Variants in KANK4 observed in about 807,000 individuals in gnomAD.
KANK4 encodes the protein KN motif and ankyrin repeat domains 4.
Under a neutral mutation model 80.8 loss-of-function variants are expected in KANK4, and 50 were observed. That is an observed-to-expected ratio of 0.62 (90% confidence interval 0.49 to 0.78). The LOEUF is 0.78. Ranked by LOEUF, KANK4 falls within the 30% of genes least tolerant of loss-of-function variation. KANK4 has a pLI of 0.00. For synonymous variants in KANK4, 465 were observed against 506.9 expected, an observed-to-expected ratio of 0.92 and a Z score of 1.11; for missense variants, 1,196 against 1,240.1, an observed-to-expected ratio of 0.96 and a Z score of 0.53.
intron 1 of KANK4, among the ~76,000 whole-genome samples, chr1:62,308,162 G>A (rs1208496803): frequency 6.6e-6 from 1 of 152,120 alleles, no homozygotes; most frequent in African/African-American, 2.4e-5. Context: ...AGCGCCCTAG[G>A]GAAAAGTGTT....
intron 6 of KANK4, among the ~76,000 whole-genome samples, chr1:62,264,189 G>A (rs997321123): frequency 3.9e-5 from 6 of 152,290 alleles, no homozygotes; most frequent in African/African-American, 7.2e-5. Context: ...AGGCCGAGGC[G>A]GGTATATCAC....
intron 7 of KANK4, among the ~76,000 whole-genome samples, chr1:62,258,518 T>C (rs765865082): frequency 5.9e-5 from 9 of 152,202 alleles, no homozygotes; most frequent in Non-Finnish European, 1.2e-4. Context: ...ATTATGTACG[T>C]TGCCTTTCCC....
At chr1:62,256,005 CT>C (rs1184525992) in intron 7 of KANK4, among the ~76,000 whole-genome samples, 1 of 152,228 alleles carries the variant, frequency 6.6e-6, no homozygotes, top group Non-Finnish European at 1.5e-5. Context: ...CATGGGGCCA[CT>C]TATGGCCCAG....
chr1:62,318,521 C>T (rs910164970), intron 1 of KANK4, among the ~76,000 whole-genome samples: 6 of 152,244 alleles, frequency 3.9e-5, no homozygotes, highest in African/African-American at 1.4e-4. Context: ...TGCCCCATTG[C>T]CTCCGCCCAA....
chr1:62,295,602 G>A (rs2477874), intron 1 of KANK4, among the ~76,000 whole-genome samples: 109,312 of 152,176 alleles, frequency 0.72, 40,710 homozygotes, highest in African/African-American at 0.92. Flanking sequence ...GGTCTTGGAC[G>A]ACATTTGCAC....
rs780938306 is a variant in KANK4, at chr1:62,268,294, C to A, written c.2224G>T (p.Ala742Ser). Reference protein sequence around the residue: ...GPGEEVPHSKAERYKPSEEFL... With the variant: ...GPGEEVPHSKSERYKPSEEFL... ...TTGTGTCCATTTGCTCACCTCTCGGCCTTGGAGTGGGGGACTTCTTCCCCA... is the reference window on the plus strand; with the variant it reads ...TTGTGTCCATTTGCTCACCTCTCGGACTTGGAGTGGGGGACTTCTTCCCCA... The change falls in exon 5 of 10, where the codon GCC becomes TCC. Residue 742 changes from alanine to serine, a missense_variant. Ala to Ser is a moderately conservative substitution (Grantham distance 99, BLOSUM62 1). Coordinates refer to ENST00000371153, the MANE Select transcript of KANK4 (RefSeq NM_181712.5). The A allele has an allele frequency of 4.3e-6, 7 of 1,613,578 alleles. No homozygotes were observed. The East Asian group carries it at 1.6e-4, about 36-fold the overall frequency.
chr1:62,297,307 CTAGA>C (rs34660098), intron 1 of KANK4, among the ~76,000 whole-genome samples: 108,807 of 151,676 alleles, frequency 0.72, 40,439 homozygotes, highest in African/African-American at 0.91. Flanking sequence ...TTATTGCTAG[CTAGA>C]TACTGTTGTC....
At chr1:62,269,987 G>A (rs991943248) in intron 4 of KANK4, among the ~76,000 whole-genome samples, 13 of 152,188 alleles carry the variant, frequency 8.5e-5, no homozygotes, top group Non-Finnish European at 1.5e-4. Context: ...CTCCCCTGGT[G>A]TTTCCAGCGT....
chr1:62,243,123 A>G (rs1671383181), intron 9 of KANK4, among the ~76,000 whole-genome samples: 1 of 152,102 alleles, frequency 6.6e-6, no homozygotes, highest in South Asian at 2.1e-4. Context: ...AGTTTCTGCC[A>G]TGATAGATTT....
At chr1:62,275,241 C>T (rs1279113964) in intron 2 of KANK4, among the ~76,000 whole-genome samples, 154 bp from the exon 3 acceptor site, 1 of 152,190 alleles carries the variant, frequency 6.6e-6, no homozygotes, top group African/African-American at 2.4e-5. Context: ...GATGCTCAGT[C>T]TTTTTGGCTG....
Position 62,237,479 on chromosome 1 carries a change from G to C in KANK4, c.*798C>G, listed in dbSNP as rs1311574773. 2 of 152,128 alleles carry C rather than the reference G, an allele frequency of 1.3e-5. No homozygotes were observed. The highest frequency in any genetic ancestry group is 2.9e-5 in the Non-Finnish European group (2 of 68,040). The allele number at this position is 152,128 out of a possible 1,614,324, so 9.4% of individuals were successfully genotyped here. ...TCTTCCACAGACTCAAAATAGCTGA[G>C]AGAATCTGACTCTGCCCAAATACAT... On this transcript the variant is annotated 3_prime_UTR_variant, in exon 10 of 10. Coordinates refer to ENST00000371153, the MANE Select transcript of KANK4 (RefSeq NM_181712.5).
chr1:62,248,894 G>A (rs1412050953), intron 8 of KANK4, among the ~76,000 whole-genome samples: 2 of 148,356 alleles, frequency 1.3e-5, no homozygotes, highest in East Asian at 2.1e-4. Flanking sequence ...CGGGTGCAGT[G>A]GCTCACGCCT....
In KANK4 at chr1:62,263,171, G is replaced by C. The variant is rs201319484; in HGVS notation, c.2460C>G (p.Ala820=). The part of the protein sequence containing the change: ...PHFLKLLVNL[A]DHNGNTALHY... ...GAAGGGCCGTGTTCCCGTTGTGATC[G>C]GCCAAGTTGACAAGCAGTTTCAGGA... The change falls in exon 7 of 10, where the codon GCC becomes GCG. Residue 820 remains alanine (A), a synonymous_variant. Coordinates refer to ENST00000371153, the MANE Select transcript of KANK4 (RefSeq NM_181712.5). 4.3e-6 allele frequency: 7 copies of C among 1,613,802 alleles called. No homozygotes were observed. Among genetic ancestry groups the C allele is most frequent in the South Asian group, 1.1e-5 (1 of 91,034 alleles).
At chr1:62,238,558 C>T (rs575698777) in intron 9 of KANK4, among the ~76,000 whole-genome samples, 177 bp from the exon 10 acceptor site, 9 of 151,966 alleles carry the variant, frequency 5.9e-5, no homozygotes, top group African/African-American at 2.2e-4. Flanking sequence ...GCGGTCCCTT[C>T]CACAGAAACA....
chr1:62,312,763 T>A (rs937889841), intron 1 of KANK4, among the ~76,000 whole-genome samples: 2 of 152,234 alleles, frequency 1.3e-5, no homozygotes, highest in Non-Finnish European at 2.9e-5. Context: ...TCTCTGGAAC[T>A]TGAAGTCAGC....
intron 1 of KANK4, among the ~76,000 whole-genome samples, chr1:62,308,327 A>G (rs1299815362): frequency 6.6e-6 from 1 of 152,156 alleles, no homozygotes; most frequent in South Asian, 2.1e-4. Context: ...CCTATTGCCC[A>G]GGGCGGCTGC....
At chr1:62,292,306 T>C (rs1672695256) in intron 1 of KANK4, among the ~76,000 whole-genome samples, 2 of 152,182 alleles carry the variant, frequency 1.3e-5, no homozygotes, top group Admixed American at 6.5e-5. Context: ...CTGTGTTTTC[T>C]TCCTTAATAA....
intron 7 of KANK4, among the ~76,000 whole-genome samples, chr1:62,259,081 G>T (rs12062559): frequency 6.6e-6 from 1 of 151,878 alleles, no homozygotes; most frequent in African/African-American, 2.4e-5. Flanking sequence ...TGAAGAAGCC[G>T]CCTCTCATGC....
At chr1:62,302,576 G>C (rs1479328050) in intron 1 of KANK4, among the ~76,000 whole-genome samples, 1 of 152,032 alleles carries the variant, frequency 6.6e-6, no homozygotes, top group Non-Finnish European at 1.5e-5. Flanking sequence ...TGGGCAGATA[G>C]AGCAGATGAA....
Sources: allele counts gnomAD v4.1 joint callset (sites outside exome capture counted in the v4.1 genomes callset), GRCh38; gene constraint gnomAD v4.1.1; transcripts MANE v1.5; gene names NCBI Gene and HGNC (gene_info 2026-07-23, HGNC 2026-07-21).